KRIT1: variants seen among roughly 807,000 people sequenced by gnomAD.
KRIT1 encodes krev interaction trapped protein 1.
KRIT1 carries 45 observed loss-of-function variants against 95.8 expected under a neutral mutation model. The observed-to-expected ratio is 0.47, with a 90% CI of 0.37 to 0.60. KRIT1 has a LOEUF of 0.60. Among genes scored for constraint, KRIT1 ranks in the 20% least tolerant of loss-of-function variants. The pLI, the probability that KRIT1 is intolerant of heterozygous loss-of-function variation, is 0.00. For synonymous variants in KRIT1, 282 were observed against 278.8 expected (o/e 1.01, Z -0.11); for missense variants, 788 against 877.5 (o/e 0.90, Z 1.29).
intron 10 of KRIT1, 23 bp downstream of exon 10, chr7:92,234,426 A>T (rs2131641443): frequency 2.0e-6 from 3 of 1,535,212 alleles, no homozygotes; most frequent in South Asian, 1.1e-5. Flanking sequence ...TTCTAAAAAG[A>T]AAAGAATAAA....
At chr7:92,214,081 C>A in intron 15 of KRIT1, 102 bp from the exon 16 acceptor site, 1 of 751,640 alleles carries the variant, frequency 1.3e-6, no homozygotes, top group Non-Finnish European at 2.4e-6. Flanking sequence ...TAATTTTTAA[C>A]CTGAAAAATA....
chr7:92,235,596 C>T lies in KRIT1; in HGVS notation c.536G>A (p.Arg179Gln), dbSNP rs756644645. The change falls in exon 8 of 19, where the codon CGA becomes CAA. Residue 179 changes from arginine (R) to glutamine (Q), a missense_variant. By Grantham distance (43) the Arg-to-Gln change is conservative. Around this residue, in one of 3 missense-constraint regions of KRIT1, gnomAD observed 289 missense variants for 277.5 expected, o/e 1.04. Coordinates refer to ENST00000394505, the MANE Select transcript of KRIT1 (RefSeq NM_194454.3). ...TTTTATCCGCTCAAGAGGAGAAGGT[C>T]GGAATAAAGCTGGAATAAAGTGAGA... ...AQSHFIPALF[R>Q]PSPLERIKTN... The T allele has an allele frequency of 9.9e-6, 16 of 1,613,496 alleles. No homozygotes were observed. The highest frequency in any genetic ancestry group is 3.3e-5 in the South Asian group (3 of 91,006).
intron 10 of KRIT1, among the ~76,000 whole-genome samples, chr7:92,232,747 G>A (rs1286454410): frequency 6.6e-6 from 1 of 151,970 alleles, no homozygotes; most frequent in Non-Finnish European, 1.5e-5. Flanking sequence ...AGGCTGGAGT[G>A]CAGTGGCGTG....
chr7:92,222,641 C>A (rs112410984), intron 13 of KRIT1, among the ~76,000 whole-genome samples, 181 bp downstream of exon 13: 8 of 152,014 alleles, frequency 5.3e-5, no homozygotes, highest in Admixed American at 5.2e-4. Flanking sequence ...AAGCAGGGAA[C>A]GGGGTGGGCA....
At chr7:92,232,991 C>T (rs1797641177) in intron 10 of KRIT1, among the ~76,000 whole-genome samples, 1 of 152,138 alleles carries the variant, frequency 6.6e-6, no homozygotes, top group South Asian at 2.1e-4. Flanking sequence ...CTGCACCCGG[C>T]TGCATGTGAT....
intron 12 of KRIT1, among the ~76,000 whole-genome samples, chr7:92,224,110 T>G (rs1036718298): frequency 6.6e-6 from 1 of 152,196 alleles, no homozygotes; most frequent in Non-Finnish European, 1.5e-5. Context: ...GTGTGTAACA[T>G]TAAAGGCAGA....
At chr7:92,202,671 G>A (rs917970954) in intron 17 of KRIT1, among the ~76,000 whole-genome samples, 1 of 152,130 alleles carries the variant, frequency 6.6e-6, no homozygotes, top group African/African-American at 2.4e-5. Context: ...AGGTTGCAGT[G>A]ACCCGAGGTC....
At chr7:92,206,224 C>T (rs1675828915) in intron 17 of KRIT1, 1 of 152,964 alleles carries the variant, frequency 6.5e-6, no homozygotes, top group Admixed American at 6.5e-5. Context: ...GACGACAGGC[C>T]TGTTCTGCCT....
intron 14 of KRIT1, among the ~76,000 whole-genome samples, chr7:92,215,787 A>G (rs1307919565): frequency 6.6e-6 from 1 of 151,648 alleles, no homozygotes; most frequent in East Asian, 1.9e-4. Context: ...AAAACTATAA[A>G]GTTTATCCAA....
At chr7:92,209,336 G>C (rs1792268181) in intron 17 of KRIT1, among the ~76,000 whole-genome samples, 1 of 152,036 alleles carries the variant, frequency 6.6e-6, no homozygotes, top group Non-Finnish European at 1.5e-5. Context: ...ACATAGTACT[G>C]GAAGTACTGG....
chr7:92,234,277 C>T (rs1211662824), intron 10 of KRIT1, among the ~76,000 whole-genome samples, 172 bp downstream of exon 10: 2 of 152,150 alleles, frequency 1.3e-5, no homozygotes, highest in South Asian at 2.1e-4. Flanking sequence ...GCAGACCTTA[C>T]AATTCTGAAC....
rs1789960813 is a variant in KRIT1, at chr7:92,200,784, C to T, written c.2163G>A (p.Leu721=). ...HTKQAGLVVK[L]LMKLNGQLMP... is the part of the protein sequence containing the mutation. ...TTAACTGTCCATTTAGCTTCATTAA[C>T]AGTTTTACCACGAGACCAGCCTACA... Residue 721 remains leucine (L), a synonymous_variant, in exon 19 of 19, where the codon CTG becomes CTA. Transcript: ENST00000394505. The T allele has an allele frequency of 6.2e-7, 1 of 1,607,476 alleles. No homozygotes were observed.
chr7:92,218,791 T>C (rs1312410153), intron 14 of KRIT1, among the ~76,000 whole-genome samples: 1 of 152,218 alleles, frequency 6.6e-6, no homozygotes, highest in Admixed American at 6.5e-5. Flanking sequence ...ATTCTGTTGC[T>C]TTTCACTTTC....
At chr7:92,242,284 T>A (rs566105993) in intron 3 of KRIT1, 147 bp from the exon 4 acceptor site, 1 of 631,784 alleles carries the variant, frequency 1.6e-6, no homozygotes, top group East Asian at 2.8e-5. Context: ...ATGTTCTCTA[T>A]CCTAGAATAT....
intron 5 of KRIT1, 142 bp from the exon 6 acceptor site, chr7:92,237,901 C>A: frequency 1.7e-6 from 1 of 602,120 alleles, no homozygotes; most frequent in South Asian, 2.0e-5. Flanking sequence ...ATTATATGTA[C>A]TAATAAAAAC....
Position 92,212,845 on chromosome 7 carries a change from A to G in KRIT1, c.2025+350T>C, listed in dbSNP as rs550008807. On this transcript the variant is annotated intron_variant, in intron 17 of 18. Transcript: ENST00000394505. ...AATATTTTATGCATATACAAGCAAT[A>G]TGTATTTATGTAAAAATCATCCTCA... Among the ~76,000 whole-genome samples, 10 of 152,364 alleles carry G rather than the reference A, an allele frequency of 6.6e-5. No homozygotes were observed. In the South Asian group the frequency reaches 1.9e-3, roughly 28 times the overall value.
intron 5 of KRIT1, among the ~76,000 whole-genome samples, chr7:92,239,210 G>T (rs1047928896): frequency 1.3e-5 from 2 of 151,798 alleles, no homozygotes; most frequent in African/African-American, 4.9e-5. Flanking sequence ...ACTGTCACTC[G>T]TAACTCCTCC....
At chr7:92,222,690 T>C (rs867797247) in intron 13 of KRIT1, 132 bp downstream of exon 13, 5 of 660,778 alleles carry the variant, frequency 7.6e-6, no homozygotes, top group African/African-American at 1.8e-5. Context: ...ACTAGTAATT[T>C]ATATAAAAGA....
chr7:92,215,559 T>C (rs1260654344), intron 14 of KRIT1, among the ~76,000 whole-genome samples: 2 of 152,136 alleles, frequency 1.3e-5, no homozygotes. Context: ...AGCCTCGACC[T>C]CGTGGGCTCA....
Sources: gnomAD v4.1 joint callset for allele counts (sites outside exome capture counted in the v4.1 genomes callset) on GRCh38, gnomAD v4.1.1 for gene constraint, gnomAD v4.1.1 regional missense constraint, MANE v1.5 for transcripts, NCBI Gene and HGNC (gene_info 2026-07-23, HGNC 2026-07-21) for gene names.